Variants in MYO3A observed in about 807,000 individuals in gnomAD.
The protein encoded by MYO3A is myosin IIIA, also known as myosin-IIIa.
A neutral mutation model predicts 192.7 loss-of-function variants in MYO3A; 180 were observed. That is an observed-to-expected ratio of 0.93 (90% CI 0.83 to 1.06). MYO3A has a LOEUF of 1.06. Among genes scored for constraint, MYO3A ranks in the 50% least tolerant of loss-of-function variants. The pLI is 0.00. For synonymous variants in MYO3A, 628 were observed against 645.3 expected, an observed-to-expected ratio of 0.97 and a Z score of 0.41; for missense variants, 1,896 against 1,905.0, an observed-to-expected ratio of 1.00 and a Z score of 0.09.
chr10:26,075,344 T>C (rs1237712107), intron 14 of MYO3A, among the ~76,000 whole-genome samples: 1 of 151,732 alleles, frequency 6.6e-6, no homozygotes, highest in South Asian at 2.1e-4. Context: ...AGCTCTTTAG[T>C]AGTGATTTGT....
chr10:26,168,333 A>C (rs1841865405), intron 27 of MYO3A, among the ~76,000 whole-genome samples: 1 of 148,290 alleles, frequency 6.7e-6, no homozygotes. Context: ...AGATCTATTC[A>C]GATTTTTTTA....
At position 26,096,480 on chromosome 10, in the gene MYO3A, G is replaced by T. The variant is rs757248060; in HGVS notation, c.1661+1G>T. 2 of 1,611,510 alleles carry T rather than the reference G, an allele frequency of 1.2e-6. No individual in the cohort carries two copies. The highest frequency in any genetic ancestry group is 2.2e-5 in the South Asian group (2 of 90,982). On this transcript the variant is annotated splice_donor_variant, in intron 16 of 34. Transcript: ENST00000642920. LOFTEE classifies it high-confidence loss of function. ...AACTGCCTGAAAATAAGCCTCCCAG[G>T]TAATCTACCAGGTTGAGCTTTCATC... is the stretch of plus-strand genomic sequence containing the variant.
chr10:25,996,575 T>C lies in MYO3A; in HGVS notation c.389T>C (p.Ile130Thr). 1 of 1,613,404 alleles carries C rather than the reference T, an allele frequency of 6.2e-7. No homozygotes were observed. Among genetic ancestry groups the C allele is most frequent in the Non-Finnish European group, 8.5e-7 (1 of 1,179,444 alleles). ...ATGAGTGAGCCTCTAATTGCCTATA[T>C]TTTACATGAAGCACTAATGGTAAGG... ...ERMSEPLIAY[I>T]LHEALMGLQH... Residue 130 changes from isoleucine to threonine, a missense_variant, in exon 5 of 35, where the codon ATT becomes ACT. Ile to Thr is a moderately conservative substitution (Grantham distance 89, BLOSUM62 -1). Coordinates refer to ENST00000642920, the MANE Select transcript of MYO3A (RefSeq NM_017433.5).
intron 34 of MYO3A, chr10:26,204,300 CCCATTT>C (rs1843805652): frequency 1.3e-5 from 2 of 152,214 alleles, no homozygotes; most frequent in African/African-American, 4.8e-5. Context: ...TCACTCCCTG[CCCATTT>C]GCTTTTCACT....
Position 26,193,325 on chromosome 10 carries a change from T to G in MYO3A, c.4545+14T>G. ...TATCTACTTCATGTAAGTGGCTCACTCTTACTATCAGATGGGAGCCATCAC... is the reference window on the plus strand; with the variant it reads ...TATCTACTTCATGTAAGTGGCTCACGCTTACTATCAGATGGGAGCCATCAC... On this transcript the variant is annotated intron_variant, in intron 32 of 34. Coordinates refer to ENST00000642920, the MANE Select transcript of MYO3A (RefSeq NM_017433.5). 1 of 1,576,112 alleles carries G rather than the reference T, an allele frequency of 6.3e-7. No homozygotes were observed. The highest frequency in any genetic ancestry group is 1.1e-5 in the South Asian group (1 of 90,042).
chr10:26,149,634 A>G (rs756884613), intron 23 of MYO3A, among the ~76,000 whole-genome samples: 1 of 152,026 alleles, frequency 6.6e-6, no homozygotes, highest in African/African-American at 2.4e-5. Flanking sequence ...ATTTTTTTAA[A>G]TTGACAGCTA....
At chr10:26,127,018 G>T (rs2131740448) in intron 19 of MYO3A, among the ~76,000 whole-genome samples, 1 of 152,150 alleles carries the variant, frequency 6.6e-6, no homozygotes, top group South Asian at 2.1e-4. Flanking sequence ...TGGGACACTG[G>T]GCAACTTACT....
intron 23 of MYO3A, among the ~76,000 whole-genome samples, chr10:26,147,941 C>A (rs1840570498): frequency 1.3e-5 from 2 of 152,070 alleles, no homozygotes; most frequent in Non-Finnish European, 1.5e-5. Context: ...ATGGACGTGT[C>A]TTTGTTCCAC....
intron 4 of MYO3A, among the ~76,000 whole-genome samples, chr10:25,984,334 A>G (rs1839513407): frequency 6.6e-6 from 1 of 152,212 alleles, no homozygotes; most frequent in African/African-American, 2.4e-5. Flanking sequence ...ATGGATAAGA[A>G]TTTACCAACC....
intron 32 of MYO3A, among the ~76,000 whole-genome samples, chr10:26,196,630 G>A (rs928398919): frequency 1.3e-5 from 2 of 152,146 alleles, no homozygotes; most frequent in Admixed American, 6.6e-5. Flanking sequence ...GAAAAGTGTG[G>A]CTGTAATGAG....
At position 26,178,705 on chromosome 10, in the gene MYO3A, A is replaced by G. The variant is rs73594314; in HGVS notation, c.4438+1860A>G. ...CATCTGTTTTCAAAAGGGAACTCAGACAGTCTGAAGACAGTAGGAATTATA... is the reference window on the plus strand; with the variant it reads ...CATCTGTTTTCAAAAGGGAACTCAGGCAGTCTGAAGACAGTAGGAATTATA... On this transcript the variant is annotated intron_variant, in intron 31 of 34. Transcript: ENST00000642920. Among the ~76,000 whole-genome samples the G allele has an allele frequency of 2.9e-3, 439 of 152,310 alleles. 3 individuals carry two copies. The highest frequency in any genetic ancestry group is 0.01 in the African/African-American group (420 of 41,566).
At chr10:26,009,403 T>A (rs34560131) in intron 6 of MYO3A, among the ~76,000 whole-genome samples, 10,460 of 145,622 alleles carry the variant, frequency 0.072, 477 homozygotes, top group African/African-American at 0.15. Flanking sequence ...ATAAATTTTT[T>A]AAAAAAGGCC....
chr10:26,201,317 T>C lies in MYO3A; in HGVS notation c.4586+12T>C. The C allele has an allele frequency of 6.4e-7, 1 of 1,557,228 alleles. No individual in the cohort carries two copies. Among genetic ancestry groups the C allele is most frequent in the South Asian group, 1.1e-5 (1 of 86,988 alleles). ...CCAAGGAAAGACAGGTAATTATTAC[T>C]TCTGGATTTCAATCAGTCATCTTAT... On this transcript the variant is annotated intron_variant, in intron 33 of 34. Coordinates refer to ENST00000642920, the MANE Select transcript of MYO3A (RefSeq NM_017433.5).
chr10:26,183,252 T>C (rs573533948), intron 31 of MYO3A, among the ~76,000 whole-genome samples: 3 of 152,036 alleles, frequency 2.0e-5, no homozygotes, highest in Non-Finnish European at 4.4e-5. Context: ...CGGCTGGGCG[T>C]GGTGGCTCAC....
intron 6 of MYO3A, among the ~76,000 whole-genome samples, chr10:26,016,485 C>G (rs1314019454): frequency 2.0e-5 from 3 of 152,054 alleles, no homozygotes; most frequent in Non-Finnish European, 4.4e-5. Context: ...AATTACATGA[C>G]AAAATATGTA....
rs756058333 is a variant in MYO3A, at chr10:26,168,732, C to T, written c.3132C>T (p.His1044=). The change falls in exon 28 of 35, where the codon CAC becomes CAT. Residue 1044 remains histidine, a synonymous_variant. Coordinates refer to ENST00000642920, the MANE Select transcript of MYO3A (RefSeq NM_017433.5). The part of the protein sequence containing the change: ...GKTKVFLKYY[H]VEQLNLMRKE... ...TTCAGGTGTTCCTTAAGTATTATCA[C>T]GTGGAGCAGTTAAATCTAATGCGAA... 4 of 1,612,792 alleles carry T rather than the reference C, an allele frequency of 2.5e-6. No individual in the cohort carries two copies. Among genetic ancestry groups the T allele is most frequent in the Admixed American group, 1.7e-5 (1 of 59,986 alleles).
At chr10:25,962,275 T>C (rs1837980207) in intron 4 of MYO3A, among the ~76,000 whole-genome samples, 2 of 152,184 alleles carry the variant, frequency 1.3e-5, no homozygotes, top group African/African-American at 2.4e-5. Context: ...TTATAAGTTT[T>C]TGAGCATGAA....
chr10:25,958,629 A>G lies in MYO3A; in HGVS notation c.303+3621A>G, dbSNP rs560567904. On this transcript the variant is annotated intron_variant, in intron 4 of 34. Transcript: ENST00000642920. The stretch of plus-strand genomic sequence containing the variant: ...TAGTTTTTTTCTAGTTCTGTGAAGA[A>G]TGTCATTGGTAGTTTGATAAGAATA... 3.2e-4 allele frequency among the ~76,000 whole-genome samples: 48 copies of G among 152,310 alleles called. 1 individual carries two copies. In the South Asian group the frequency reaches 9.5e-3, roughly 30 times the overall value.
At chr10:25,948,474 T>G (rs1837003308) in intron 2 of MYO3A, among the ~76,000 whole-genome samples, 1 of 152,058 alleles carries the variant, frequency 6.6e-6, no homozygotes, top group African/African-American at 2.4e-5. Flanking sequence ...GTTAAATATA[T>G]ATGTTGAAAA....
Sources: allele counts gnomAD v4.1 joint callset (sites outside exome capture counted in the v4.1 genomes callset), GRCh38; gene constraint gnomAD v4.1.1; transcripts MANE v1.5; gene names NCBI Gene and HGNC (gene_info 2026-07-23, HGNC 2026-07-21).